SLC7A11: variants seen among roughly 807,000 people sequenced by gnomAD.
SLC7A11 encodes the protein solute carrier family 7 member 11.
A neutral mutation model predicts 54.5 loss-of-function variants in SLC7A11; 35 were observed. That is an observed-to-expected ratio of 0.64 (90% CI 0.49 to 0.85). The LOEUF is 0.85. Among genes scored for constraint, SLC7A11 ranks in the 40% least tolerant of loss-of-function variants. SLC7A11 has a pLI of 0.00. For synonymous variants in SLC7A11, 230 were observed against 225.2 expected (o/e 1.02, Z -0.19); for missense variants, 583 against 618.1 (o/e 0.94, Z 0.60).
chr4:138,196,806 A>C (rs1177852703), intron 6 of SLC7A11, among the ~76,000 whole-genome samples: 1 of 151,958 alleles, frequency 6.6e-6, no homozygotes, highest in African/African-American at 2.4e-5. Context: ...ATTACAGGCA[A>C]CTGCCACCAC....
intron 1 of SLC7A11, among the ~76,000 whole-genome samples, chr4:138,237,721 ATATATATATATATATATTTTTTTTT>A (rs1283488775): frequency 1.3e-3 from 10 of 7,836 alleles, no homozygotes; most frequent in African/African-American, 3.6e-3. Context: ...ATATATATAT[ATATATATATATATATATTTTTTTTT>A]TTTTTTTTTT....
rs552943753 is a variant in SLC7A11 at position 138,208,544 on chromosome 4, C to A, written c.791+6041G>T. Among the ~76,000 whole-genome samples, 4 of 152,120 alleles carry A rather than the reference C, an allele frequency of 2.6e-5. 1 individual carries two copies. Among genetic ancestry groups the A allele is most frequent in the South Asian group, 4.1e-4 (2 of 4,820 alleles). On this transcript the variant is annotated intron_variant, in intron 6 of 11. Transcript: ENST00000280612. ...TGCATAGTCACCACAAAAGTCATGT[C>A]ATAAGGCAAAATTCATTACACTTGC...
intron 6 of SLC7A11, among the ~76,000 whole-genome samples, chr4:138,201,645 T>G (rs188344426): frequency 1.3e-5 from 2 of 151,970 alleles, no homozygotes; most frequent in African/African-American, 2.4e-5. Context: ...AAGCCAACAG[T>G]CAAGCAGTAC....
Position 138,236,313 on chromosome 4 carries a change from C to T in SLC7A11, c.404+12G>A, listed in dbSNP as rs767993869. On this transcript the variant is annotated intron_variant, in intron 2 of 11. Coordinates refer to ENST00000280612, the MANE Select transcript of SLC7A11 (RefSeq NM_014331.4). ...GTTTATTTTTTCTTAATTCTTTCTA[C>T]TATGCTCTTACCGTATTATGAGGAG... The T allele has an allele frequency of 2.5e-6, 4 of 1,597,838 alleles. No homozygotes were observed. In the South Asian group the frequency reaches 3.4e-5, roughly 14 times the overall value.
At chr4:138,218,190 C>T (rs1737724393) in intron 5 of SLC7A11, among the ~76,000 whole-genome samples, 1 of 152,008 alleles carries the variant, frequency 6.6e-6, no homozygotes, top group South Asian at 2.1e-4. Context: ...CATGCATCGG[C>T]TAGAAGGTAA....
rs1736252961 is a variant in SLC7A11 at position 138,166,254 on chromosome 4, G to A, written c.*5702C>T. 6.6e-6 allele frequency: 1 copy of A among 152,102 alleles called. No individual in the cohort carries two copies. Among genetic ancestry groups the A allele is most frequent in the Admixed American group, 6.6e-5 (1 of 15,266 alleles). 9.4% of individuals were successfully genotyped at this position (152,102 alleles called of 1,614,324 possible). A position where few individuals can be genotyped will look rare whatever the true frequency, so the allele number is the denominator to read the frequency against. On this transcript the variant is annotated 3_prime_UTR_variant, in exon 12 of 12. Transcript: ENST00000280612. ...AAGTTAGTTAGTAGGAAAATTTGAT[G>A]TCTAAATTTTATAATACACATTTAA...
intron 6 of SLC7A11, among the ~76,000 whole-genome samples, chr4:138,192,908 CATA>C (rs1172063493): frequency 1.3e-5 from 2 of 152,024 alleles, no homozygotes; most frequent in African/African-American, 4.8e-5. Context: ...CCCAAGGACT[CATA>C]ATAAGACAAG....
chr4:138,242,288 CTCCACCTCCTCGT>C lies in SLC7A11; in HGVS notation c.-232_-220del. 1 of 577,086 alleles carries C rather than the reference CTCCACCTCCTCGT, an allele frequency of 1.7e-6. No homozygotes were observed. The highest frequency in any genetic ancestry group is 3.1e-6 in the Non-Finnish European group (1 of 325,918). The allele number at this position is 577,086 out of a possible 1,614,324, so 35.7% of individuals were successfully genotyped here. ...CTGTGTATGCATCGTGCTCTCAATT[CTCCACCTCCTCGT>C]TCCACCACTGCTGCTGCTGCTGCTG... On this transcript the variant is annotated 5_prime_UTR_variant, in exon 1 of 12. The change abolishes the stop of an existing upstream ORF in the 5' untranslated region. Transcript: ENST00000280612.
rs892207786 is a variant in SLC7A11, at chr4:138,165,727, T to C, written c.*6229A>G. ...GGAATTGTCCTAAAAGAGTAAAGTG[T>C]TGTTTCCTTTCTGAACATGAATAAC... On this transcript the variant is annotated 3_prime_UTR_variant, in exon 12 of 12. Coordinates refer to ENST00000280612, the MANE Select transcript of SLC7A11 (RefSeq NM_014331.4). 2 of 152,146 alleles carry C rather than the reference T, an allele frequency of 1.3e-5. No homozygotes were observed. Among genetic ancestry groups the C allele is most frequent in the African/African-American group, 4.8e-5 (2 of 41,456 alleles). 9.4% of individuals were successfully genotyped at this position (152,146 alleles called of 1,614,324 possible). A position where few individuals can be genotyped will look rare whatever the true frequency, so the allele number is the denominator to read the frequency against.
In SLC7A11 at chr4:138,237,711, ATATATATATATATATATATATATATATT is replaced by A. The variant is rs1257491105; in HGVS notation, c.278-1288_278-1261del. 0.014 allele frequency among the ~76,000 whole-genome samples: 64 copies of A among 4,574 alleles called. 3 individuals are homozygous for A. In the East Asian group the frequency reaches 0.14, roughly 10 times the overall value. 3.0% of individuals were successfully genotyped at this position (4,574 alleles called of 152,430 possible). ...CTGCGCCTAGCCAGAATATATATATATATATATATATATATATATATATATATTTTTTTTTTTTTTTTTTTTTTTTTTT... is the reference window on the plus strand; with the variant it reads ...CTGCGCCTAGCCAGAATATATATATATTTTTTTTTTTTTTTTTTTTTTTTT... On this transcript the variant is annotated intron_variant, in intron 1 of 11. Transcript: ENST00000280612.
At chr4:138,234,544 A>T (rs1417063327) in intron 2 of SLC7A11, among the ~76,000 whole-genome samples, 1 of 151,810 alleles carries the variant, frequency 6.6e-6, no homozygotes, top group Non-Finnish European at 1.5e-5. Flanking sequence ...CAACAGACAC[A>T]CACACACAGA....
At chr4:138,222,744 A>G (rs1439674416) in intron 4 of SLC7A11, among the ~76,000 whole-genome samples, 1 of 152,198 alleles carries the variant, frequency 6.6e-6, no homozygotes, top group Admixed American at 6.5e-5. Context: ...TGTTGAGGAT[A>G]CCACTCTCAA....
At chr4:138,214,438 T>G (rs964081603) in intron 6 of SLC7A11, 147 bp downstream of exon 6, 4 of 371,322 alleles carry the variant, frequency 1.1e-5, no homozygotes, top group Non-Finnish European at 2.0e-5. Context: ...GTCAAATAAA[T>G]CTTATCTAAG....
chr4:138,175,096 A>G (rs1006686453), intron 11 of SLC7A11, among the ~76,000 whole-genome samples: 2 of 152,202 alleles, frequency 1.3e-5, no homozygotes, highest in African/African-American at 4.8e-5. Flanking sequence ...AATGTAGGCA[A>G]GCTTAATTAA....
chr4:138,206,306 T>C (rs1044195693), intron 6 of SLC7A11, among the ~76,000 whole-genome samples: 2 of 151,096 alleles, frequency 1.3e-5, no homozygotes, highest in African/African-American at 2.4e-5. Context: ...AAAGATAGGA[T>C]AAAATTAAAC....
At chr4:138,173,664 T>C (rs1736494579) in intron 11 of SLC7A11, among the ~76,000 whole-genome samples, 1 of 151,898 alleles carries the variant, frequency 6.6e-6, no homozygotes, top group Non-Finnish European at 1.5e-5. Flanking sequence ...TTTTTCATCC[T>C]TTTCTTCTGT....
intron 5 of SLC7A11, among the ~76,000 whole-genome samples, chr4:138,218,759 C>T (rs1050242595): frequency 2.0e-5 from 3 of 152,096 alleles, no homozygotes; most frequent in Non-Finnish European, 4.4e-5. Flanking sequence ...ACTGCATTAT[C>T]TTGGTTTCTC....
chr4:138,227,451 G>A (rs1737970639), intron 3 of SLC7A11, among the ~76,000 whole-genome samples: 1 of 152,098 alleles, frequency 6.6e-6, no homozygotes, highest in Admixed American at 6.6e-5. Context: ...AAAATGTTAA[G>A]TGATATATAA....
rs745633045 is a variant in SLC7A11 at position 138,179,398 on chromosome 4, G to A, written c.1267-4C>T. The A allele has an allele frequency of 2.5e-6, 4 of 1,609,398 alleles. No homozygotes were observed. Among genetic ancestry groups the A allele is most frequent in the Middle Eastern group, 1.7e-4 (1 of 6,018 alleles). On this transcript the variant is annotated splice_region_variant and splice_polypyrimidine_tract_variant and intron_variant, in intron 10 of 11. Transcript: ENST00000280612. The stretch of plus-strand genomic sequence containing the variant: ...AAGCTGGGATGAACAGTGGCACCTG[G>A]AACACAGAACACAAAAAAGTCACTT...
Sources: gnomAD v4.1 joint callset for allele counts (sites outside exome capture counted in the v4.1 genomes callset) on GRCh38, gnomAD v4.1.1 for gene constraint, MANE v1.5 for transcripts, NCBI Gene and HGNC (gene_info 2026-07-23, HGNC 2026-07-21) for gene names.